Variants in YAF2 observed in about 807,000 individuals in gnomAD.
YAF2 encodes the protein YY1-associated factor 2.
YAF2 carries 7 observed loss-of-function variants against 20.1 expected under a neutral mutation model. The ratio of observed to expected loss-of-function variants is 0.35; its 90% CI spans 0.20 to 0.65. YAF2 has a LOEUF of 0.65. YAF2 is among the 30% of genes least tolerant of loss of function. The probability of loss-of-function intolerance (pLI) is 0.69; values close to 1 mark genes in which losing one functional copy is unlikely to be tolerated. For missense variants in YAF2, 151 were observed against 219.2 expected (o/e 0.69, Z 1.96); for synonymous variants, 74 against 76.0 (o/e 0.97, Z 0.14).
intron 2 of YAF2, among the ~76,000 whole-genome samples, chr12:42,218,185 A>ACAC (rs2067413229): frequency 8.5e-5 from 12 of 140,608 alleles, no homozygotes; most frequent in African/African-American, 2.9e-4. Context: ...GCTACTAGGA[A>ACAC]ACACACACAC....
At chr12:42,234,999 A>T in intron 2 of YAF2, 7 of 985,322 alleles carry the variant, frequency 7.1e-6, no homozygotes, top group Non-Finnish European at 8.4e-6. Flanking sequence ...AAAAAGAAAA[A>T]AGAAAAAAAG....
chr12:42,178,454 TC>T (rs2066254140), intron 2 of YAF2, among the ~76,000 whole-genome samples: 1 of 152,198 alleles, frequency 6.6e-6, no homozygotes, highest in Non-Finnish European at 1.5e-5. Flanking sequence ...GCTTTCCTAA[TC>T]CACTGAAGAT....
chr12:42,175,740 C>CAAAAAAAAAAAAAAAA (rs59476115), intron 2 of YAF2, among the ~76,000 whole-genome samples: 8 of 45,008 alleles, frequency 1.8e-4, no homozygotes, highest in Admixed American at 3.3e-4. Flanking sequence ...GACTCTGTCT[C>CAAAAAAAAAAAAAAAA]AAAAAAAAAA....
At chr12:42,225,856 T>G (rs1001225886) in intron 2 of YAF2, among the ~76,000 whole-genome samples, 2 of 152,234 alleles carry the variant, frequency 1.3e-5, no homozygotes, top group African/African-American at 4.8e-5. Flanking sequence ...GTTTTGGGTA[T>G]ACAGGCTCTT....
chr12:42,160,969 C>G (rs1454985132), intron 3 of YAF2, 143 bp from the exon 4 acceptor site: 8 of 641,920 alleles, frequency 1.2e-5, no homozygotes, highest in Non-Finnish European at 2.6e-6. Flanking sequence ...ACAAAAACAT[C>G]ATAAAATGTT....
At chr12:42,182,306 T>C (rs1376851638) in intron 2 of YAF2, among the ~76,000 whole-genome samples, 1 of 152,154 alleles carries the variant, frequency 6.6e-6, no homozygotes, top group Non-Finnish European at 1.5e-5. Context: ...GCATGCAATG[T>C]AGAAGAGTTA....
At chr12:42,160,932 T>C (rs917333092) in intron 3 of YAF2, 106 bp from the exon 4 acceptor site, 22 of 846,614 alleles carry the variant, frequency 2.6e-5, no homozygotes, top group Non-Finnish European at 3.6e-5. Flanking sequence ...AATACATGTA[T>C]TTAAGGCAAT....
intron 2 of YAF2, chr12:42,234,164 G>T: frequency 1.0e-6 from 1 of 961,596 alleles, no homozygotes; most frequent in Non-Finnish European, 1.2e-6. Context: ...GAGCAAGACT[G>T]TCTCAAATTC....
At chr12:42,208,577 C>A (rs1370660564) in intron 2 of YAF2, among the ~76,000 whole-genome samples, 1 of 152,032 alleles carries the variant, frequency 6.6e-6, no homozygotes, top group Non-Finnish European at 1.5e-5. Flanking sequence ...CAAACACTAG[C>A]CAATAAGGGT....
At chr12:42,225,047 A>T (rs1810507184) in intron 2 of YAF2, among the ~76,000 whole-genome samples, 1 of 152,164 alleles carries the variant, frequency 6.6e-6, no homozygotes, top group African/African-American at 2.4e-5. Context: ...TGTTGTTTCC[A>T]GACTTTTTAA....
chr12:42,234,303 C>G, intron 2 of YAF2: 2 of 985,342 alleles, frequency 2.0e-6, no homozygotes, highest in Non-Finnish European at 1.2e-6. Flanking sequence ...ATTTTGTTTC[C>G]TTTTAAAAAA....
At chr12:42,234,454 C>A in intron 2 of YAF2, 1 of 979,348 alleles carries the variant, frequency 1.0e-6, no homozygotes, top group Non-Finnish European at 1.2e-6. Flanking sequence ...CCCAATCCCA[C>A]CACTCTGCAA....
At chr12:42,237,821 C>A (rs2068227330) in intron 1 of YAF2, 97 bp from the exon 2 acceptor site, 1 of 1,000,684 alleles carries the variant, frequency 1.0e-6, no homozygotes, top group Admixed American at 5.8e-5. Flanking sequence ...GCCCCCCGCC[C>A]CAATTCTGCG....
At chr12:42,233,071 T>A in intron 2 of YAF2, 2 of 985,332 alleles carry the variant, frequency 2.0e-6, no homozygotes, top group South Asian at 9.4e-5. Context: ...AGCCCTTAAA[T>A]AAGATGCTCA....
In YAF2 at chr12:42,185,171, T is replaced by C. The variant is rs562073813; in HGVS notation, c.153-23406A>G. ...CCAGCCTGGGCAACAGAGCCAGACT[T>C]TGTCGCAAACAAACAAACAAACAAA... On this transcript the variant is annotated intron_variant, in intron 2 of 3. Coordinates refer to ENST00000534854, the MANE Select transcript of YAF2 (RefSeq NM_005748.6). 8.6e-5 allele frequency among the ~76,000 whole-genome samples: 13 copies of C among 151,500 alleles called. No individual in the cohort carries two copies. In the South Asian group the frequency reaches 2.7e-3, roughly 32 times the overall value.
rs1242914149 is a variant in YAF2 at position 42,160,756 on chromosome 12, T to C, written c.376A>G (p.Ile126Val). ...LEVTVGDLTV[I>V]ITDFKEKTKS... ...GTTTTCTCCTTAAAGTCTGTAATAA[T>C]GACTGTCAGATCTCCAACAGTAACT... Residue 126 changes from isoleucine (I) to valine (V), a missense_variant, in exon 4 of 4, where the codon ATT (isoleucine) becomes GTT (valine). By Grantham distance (29) the Ile-to-Val change is conservative. Coordinates refer to ENST00000534854, the MANE Select transcript of YAF2 (RefSeq NM_005748.6). 8.1e-6 allele frequency: 13 copies of C among 1,613,762 alleles called. No homozygotes were observed. The highest frequency in any genetic ancestry group is 1.3e-5 in the African/African-American group (1 of 75,032).
intron 2 of YAF2, among the ~76,000 whole-genome samples, chr12:42,176,581 T>C (rs1213086890): frequency 6.6e-6 from 1 of 152,166 alleles, no homozygotes; most frequent in East Asian, 1.9e-4. Flanking sequence ...TAAGTCACCA[T>C]CAAATGCTTT....
chr12:42,214,354 C>A (rs2067293351), intron 2 of YAF2, among the ~76,000 whole-genome samples: 1 of 152,174 alleles, frequency 6.6e-6, no homozygotes, highest in African/African-American at 2.4e-5. Flanking sequence ...TCACTGCAAC[C>A]TCCCCTTCTT....
intron 2 of YAF2, among the ~76,000 whole-genome samples, chr12:42,224,038 AAAATAAAT>A (rs761056288): frequency 1.1e-4 from 16 of 152,160 alleles, no homozygotes; most frequent in Non-Finnish European, 1.9e-4. Context: ...AAGTTAAAGT[AAAATAAAT>A]AAATAAATAA....
Sources: gnomAD v4.1 joint callset for allele counts (sites outside exome capture counted in the v4.1 genomes callset) on GRCh38, gnomAD v4.1.1 for gene constraint, MANE v1.5 for transcripts, NCBI Gene and HGNC (gene_info 2026-07-23, HGNC 2026-07-21) for gene names.